The following COL28A1 variants were observed in gnomAD, a reference collection of about 807,000 sequenced individuals.
COL28A1 encodes the protein collagen alpha-1(XXVIII) chain.
Under a neutral mutation model 150.2 loss-of-function variants are expected in COL28A1, and 161 were observed. The ratio of observed to expected loss-of-function variants is 1.07; its 90% CI spans 0.94 to 1.22. COL28A1 has a LOEUF of 1.22. Ranked by LOEUF, COL28A1 falls within the 50% of genes most tolerant of loss-of-function variation. The probability of loss-of-function intolerance (pLI) is 0.00; values close to 1 mark genes in which losing one functional copy is unlikely to be tolerated. For synonymous variants in COL28A1, 552 were observed against 469.7 expected, an observed-to-expected ratio of 1.18 and a Z score of -2.26; for missense variants, 1,617 against 1,388.3, an observed-to-expected ratio of 1.16 and a Z score of -2.62.
chr7:7,488,549 G>A (rs574596251), intron 13 of COL28A1, among the ~76,000 whole-genome samples: 1 of 152,250 alleles, frequency 6.6e-6, no homozygotes, highest in African/African-American at 2.4e-5. Context: ...TTATATACCA[G>A]AATAATCATA....
At chr7:7,383,642 A>G (rs554746792) in intron 27 of COL28A1, among the ~76,000 whole-genome samples, 77 of 146,294 alleles carry the variant, frequency 5.3e-4, no homozygotes, top group African/African-American at 1.6e-3. Context: ...TTTTAAAAAA[A>G]CCTCAATATT....
In COL28A1 at chr7:7,516,434, A is replaced by G. The variant is rs375036632; in HGVS notation, c.856-594T>C. ...TTTATCTCACACTAAATAAGAGGCC[A>G]GCACTTCTACTGTCTTCTGTGTGTC... On this transcript the variant is annotated intron_variant, in intron 7 of 34. Coordinates refer to ENST00000399429, the MANE Select transcript of COL28A1 (RefSeq NM_001037763.3). 6.1e-4 allele frequency among the ~76,000 whole-genome samples: 93 copies of G among 152,350 alleles called. 1 individual carries two copies. The highest frequency in any genetic ancestry group is 2.2e-3 in the African/African-American group (91 of 41,578).
At chr7:7,454,572 G>C (rs1000712775) in intron 16 of COL28A1, among the ~76,000 whole-genome samples, 3 of 151,808 alleles carry the variant, frequency 2.0e-5, no homozygotes, top group African/African-American at 4.8e-5. Context: ...TTTTTCCCAA[G>C]CTGAAGAACA....
At chr7:7,392,682 CT>C (rs1169438212) in intron 27 of COL28A1, among the ~76,000 whole-genome samples, 2 of 152,136 alleles carry the variant, frequency 1.3e-5, no homozygotes, top group African/African-American at 4.8e-5. Flanking sequence ...CCTTTTCATT[CT>C]TTTTTCTCTA....
chr7:7,442,957 C>T (rs1180751122), intron 20 of COL28A1, among the ~76,000 whole-genome samples: 1 of 151,856 alleles, frequency 6.6e-6, no homozygotes, highest in Non-Finnish European at 1.5e-5. Flanking sequence ...ATCGCTTGAA[C>T]CCGGGAGGCG....
chr7:7,420,008 T>A, intron 25 of COL28A1, 55 bp from the exon 26 acceptor site: 1 of 1,177,240 alleles, frequency 8.5e-7, no homozygotes, highest in South Asian at 1.6e-5. Context: ...TTTATGTTTT[T>A]TTCAATATAT....
At chr7:7,504,580 C>T (rs1379171277) in intron 11 of COL28A1, among the ~76,000 whole-genome samples, 1 of 152,164 alleles carries the variant, frequency 6.6e-6, no homozygotes, top group Non-Finnish European at 1.5e-5. Flanking sequence ...CATACCACCA[C>T]AACTGCCAGC....
intron 20 of COL28A1, among the ~76,000 whole-genome samples, chr7:7,442,186 T>C (rs1785849938): frequency 6.6e-6 from 1 of 152,200 alleles, no homozygotes; most frequent in African/African-American, 2.4e-5. Flanking sequence ...CCAATGCACA[T>C]TCTTCTTGCC....
At chr7:7,436,521 C>A in intron 22 of COL28A1, 58 bp from the exon 23 acceptor site, 3 of 895,260 alleles carry the variant, frequency 3.4e-6, no homozygotes, top group Admixed American at 1.7e-5. Flanking sequence ...CACAAGCACA[C>A]ATAGCAAAAA....
chr7:7,476,028 T>C (rs368887892), intron 14 of COL28A1, among the ~76,000 whole-genome samples: 2 of 152,216 alleles, frequency 1.3e-5, no homozygotes, highest in Non-Finnish European at 2.9e-5. Flanking sequence ...AGGATTCTCA[T>C]AGATAATTGA....
At position 7,373,389 on chromosome 7, in the gene COL28A1, T is replaced by A. The variant is rs1268661112; in HGVS notation, c.2517A>T (p.Ile839=). Reference sequence around the variant, plus strand: ...TCTCCACCTTATGGCTATAGTTGATTATGCCTATGCGGGCCGTGGCAAGGT... The same window carrying A: ...TCTCCACCTTATGGCTATAGTTGATAATGCCTATGCGGGCCGTGGCAAGGT... ...ALDLATARIG[I]INYSHKVEKV... The change falls in exon 32 of 35, where the codon ATA becomes ATT. Residue 839 remains isoleucine (I), a synonymous_variant. Coordinates refer to ENST00000399429, the MANE Select transcript of COL28A1 (RefSeq NM_001037763.3). The surrounding 1 kb of genome is among the most constrained non-coding windows in gnomAD (Gnocchi z 4.1). 6.2e-7 allele frequency: 1 copy of A among 1,614,176 alleles called. No homozygotes were observed. The highest frequency in any genetic ancestry group is 8.5e-7 in the Non-Finnish European group (1 of 1,180,036).
At chr7:7,496,153 A>G (rs1283322957) in intron 11 of COL28A1, among the ~76,000 whole-genome samples, 6 of 152,220 alleles carry the variant, frequency 3.9e-5, no homozygotes, top group Non-Finnish European at 7.3e-5. Flanking sequence ...TAGTATTGAT[A>G]GCACTGTTTT....
rs937860760 is a variant in COL28A1, at chr7:7,420,239, T to C, written c.1999-286A>G. The C allele has an allele frequency of 5.0e-5, 11 of 220,992 alleles. No individual in the cohort carries two copies. In the East Asian group the frequency reaches 9.6e-4, roughly 19 times the overall value. 13.7% of individuals were successfully genotyped at this position (220,992 alleles called of 1,614,324 possible). A position where few individuals can be genotyped will look rare whatever the true frequency, so the allele number is the denominator to read the frequency against. On this transcript the variant is annotated intron_variant, in intron 25 of 34. Coordinates refer to ENST00000399429, the MANE Select transcript of COL28A1 (RefSeq NM_001037763.3). ...AATTACGAGTATTGTGAATAGAGGA[T>C]GGAAGAAGAGACAAGAATAAAAAAC...
chr7:7,441,770 G>C (rs1420893688), intron 20 of COL28A1, among the ~76,000 whole-genome samples: 1 of 152,062 alleles, frequency 6.6e-6, no homozygotes, highest in African/African-American at 2.4e-5. Context: ...CACACTTTGA[G>C]AATCATTAGA....
chr7:7,348,581 T>G, the COL28A1 span, among the ~76,000 whole-genome samples: 1 of 152,120 alleles, frequency 6.6e-6, no homozygotes, highest in Non-Finnish European at 1.5e-5. Context: ...AAGCGTACAA[T>G]TTAAGAAGTT....
chr7:7,452,315 T>C lies in COL28A1; in HGVS notation c.1509+4A>G. The C allele has an allele frequency of 6.2e-7, 1 of 1,601,232 alleles. No individual in the cohort carries two copies. Among genetic ancestry groups the C allele is most frequent in the Non-Finnish European group, 8.5e-7 (1 of 1,177,066 alleles). On this transcript the variant is annotated splice_donor_region_variant and intron_variant, in intron 18 of 34. Transcript: ENST00000399429. ...ATATCACTTCTGAGCAGCAGTCAAC[T>C]CACCTTTGGACCTTGTACTCCAATT...
chr7:7,417,712 T>A, intron 27 of COL28A1, 147 bp downstream of exon 27: 1 of 694,046 alleles, frequency 1.4e-6, no homozygotes, highest in South Asian at 1.6e-5. Flanking sequence ...CACTTCCAGA[T>A]GATGTCTCTA....
At chr7:7,502,296 T>G (rs1780577652) in intron 11 of COL28A1, among the ~76,000 whole-genome samples, 1 of 152,368 alleles carries the variant, frequency 6.6e-6, no homozygotes, top group East Asian at 1.9e-4. Context: ...CATCTATGTT[T>G]TGTTGCTAAG....
chr7:7,381,859 G>C (rs1223320867), intron 27 of COL28A1, among the ~76,000 whole-genome samples: 1 of 152,076 alleles, frequency 6.6e-6, no homozygotes, highest in Non-Finnish European at 1.5e-5. Flanking sequence ...TATGCCATTT[G>C]CCTATTTCTG....
Sources: gnomAD v4.1 joint callset for allele counts (sites outside exome capture counted in the v4.1 genomes callset) on GRCh38, gnomAD v4.1.1 for gene constraint, Gnocchi (gnomAD v3.1) non-coding constraint, MANE v1.5 for transcripts, NCBI Gene and HGNC (gene_info 2026-07-23, HGNC 2026-07-21) for gene names.